The following DOCK9 variants were observed in gnomAD, a reference collection of about 807,000 sequenced individuals.
DOCK9 encodes the protein dedicator of cytokinesis 9.
DOCK9 carries 89 observed loss-of-function variants against 263.3 expected under a neutral mutation model. The ratio of observed to expected loss-of-function variants is 0.34; its 90% CI spans 0.28 to 0.40. The LOEUF (loss-of-function observed/expected upper bound fraction) is 0.40, where lower values mean the gene tolerates loss of function less well. Ranked by LOEUF, DOCK9 falls within the 10% of genes least tolerant of loss-of-function variation. DOCK9 has a pLI of 1.00. For missense variants in DOCK9, 2,140 were observed against 2,603.4 expected, an observed-to-expected ratio of 0.82 and a Z score of 3.87; for synonymous variants, 976 against 973.1, an observed-to-expected ratio of 1.00 and a Z score of -0.06.
At chr13:99,059,650 T>G (rs2142276666) in intron 1 of DOCK9, among the ~76,000 whole-genome samples, 1 of 152,294 alleles carries the variant, frequency 6.6e-6, no homozygotes, top group South Asian at 2.1e-4. Flanking sequence ...AAATACAAAC[T>G]TGTGTTTTTA....
chr13:98,860,306 A>C, intron 33 of DOCK9, 99 bp downstream of exon 33: 1 of 1,519,432 alleles, frequency 6.6e-7, no homozygotes, highest in Non-Finnish European at 8.9e-7. Flanking sequence ...TTAGACTTCA[A>C]GGTCCTACCA....
chr13:98,829,306 C>T lies in DOCK9; in HGVS notation c.4965+1G>A, dbSNP rs2092670642. On this transcript the variant is annotated splice_donor_variant, in intron 43 of 52. Transcript: ENST00000682017. LOFTEE classifies it high-confidence loss of function. This position sits in a 1 kb window ranked among gnomAD's most constrained non-coding sequence, Gnocchi z 4.1. ...ATTCAAGCGGCTGGCAGGGCTACTA[C>T]CTCTGAGAGATCGCCATTTTTGACA... 6.2e-7 allele frequency: 1 copy of T among 1,610,650 alleles called. No homozygotes were observed.
intron 30 of DOCK9, among the ~76,000 whole-genome samples, chr13:98,865,523 G>C (rs573862362): frequency 6.6e-6 from 1 of 152,080 alleles, no homozygotes; most frequent in Admixed American, 6.5e-5. Context: ...AGTGTAGTAA[G>C]GCAAATTACT....
intron 1 of DOCK9, among the ~76,000 whole-genome samples, chr13:98,966,868 A>T (rs2059253040): frequency 6.6e-6 from 1 of 152,208 alleles, no homozygotes; most frequent in South Asian, 2.1e-4. Context: ...AGTTCATTAC[A>T]TCAGTACAAT....
intron 2 of DOCK9, among the ~76,000 whole-genome samples, chr13:98,943,294 T>A (rs763051204): frequency 2.0e-5 from 3 of 152,206 alleles, no homozygotes; most frequent in Non-Finnish European, 4.4e-5. Context: ...TCTGTCCTCT[T>A]TGGATCTCAT....
chr13:98,904,823 C>G, intron 9 of DOCK9, 117 bp from the exon 10 acceptor site: 1 of 836,388 alleles, frequency 1.2e-6, no homozygotes, highest in East Asian at 2.7e-5. Flanking sequence ...AGCTCTGCCT[C>G]GTGTTGGAGA....
chr13:98,880,288 G>A (rs2044532944), intron 26 of DOCK9, among the ~76,000 whole-genome samples: 1 of 151,982 alleles, frequency 6.6e-6, no homozygotes, highest in African/African-American at 2.4e-5. Flanking sequence ...CTTGTCTTTA[G>A]AATCTCTAAG....
chr13:99,036,524 C>A (rs1887897525), intron 1 of DOCK9, among the ~76,000 whole-genome samples: 1 of 152,102 alleles, frequency 6.6e-6, no homozygotes, highest in South Asian at 2.1e-4. Flanking sequence ...AGTTAGTAAG[C>A]CACCTGGTTG....
At chr13:99,016,396 T>C (rs1430183653) in intron 1 of DOCK9, among the ~76,000 whole-genome samples, 3 of 152,168 alleles carry the variant, frequency 2.0e-5, no homozygotes, top group Non-Finnish European at 4.4e-5. Flanking sequence ...GCTAGCAAGA[T>C]TGCACTGCTT....
chr13:98,977,182 G>C (rs900860420), intron 1 of DOCK9, among the ~76,000 whole-genome samples: 3 of 152,142 alleles, frequency 2.0e-5, no homozygotes, highest in Admixed American at 6.5e-5. Flanking sequence ...AAAGCACTTG[G>C]CTTTAGACAA....
At chr13:98,918,565 G>A (rs2051287757) in intron 7 of DOCK9, among the ~76,000 whole-genome samples, 1 of 152,004 alleles carries the variant, frequency 6.6e-6, no homozygotes. Context: ...CAGGGATTTC[G>A]AATAACATCA....
In DOCK9 at chr13:98,825,877, C is replaced by T. The variant is rs771873585; in HGVS notation, c.5023+953G>A. On this transcript the variant is annotated intron_variant, in intron 44 of 52. Coordinates refer to ENST00000682017, the MANE Select transcript of DOCK9 (RefSeq NM_001366683.2). The surrounding 1 kb of genome is among the most constrained non-coding windows in gnomAD (Gnocchi z 4.1). The stretch of plus-strand genomic sequence containing the variant: ...GGGCTGATCCTCAGGCTCACCTCCC[C>T]GGCTCCTCCTCAGGCAGGCGCTATG... 40 of 1,535,772 alleles carry T rather than the reference C, an allele frequency of 2.6e-5. No homozygotes were observed. The highest frequency in any genetic ancestry group is 7.8e-5 in the Admixed American group (4 of 51,166).
intron 1 of DOCK9, among the ~76,000 whole-genome samples, chr13:99,056,004 A>G (rs2040903017): frequency 6.6e-6 from 1 of 152,212 alleles, no homozygotes; most frequent in South Asian, 2.1e-4. Flanking sequence ...TGGTAACAAC[A>G]AAAGTGCCTT....
chr13:99,064,106 C>G (rs1384791805), intron 1 of DOCK9, among the ~76,000 whole-genome samples: 1 of 152,186 alleles, frequency 6.6e-6, no homozygotes, highest in South Asian at 2.1e-4. Context: ...TTTCTCCTGA[C>G]CCTCACAGAT....
upstream of DOCK9, among the ~76,000 whole-genome samples, chr13:99,087,355 T>C (rs2042371574): frequency 6.6e-6 from 1 of 152,150 alleles, no homozygotes; most frequent in South Asian, 2.1e-4. Flanking sequence ...CTTCGGAGCC[T>C]CGGTTATGTC....
intron 46 of DOCK9, 39 bp from the exon 47 acceptor site, chr13:98,809,504 A>C: frequency 6.6e-7 from 1 of 1,505,816 alleles, no homozygotes; most frequent in South Asian, 1.2e-5. Context: ...CCCATGTGCA[A>C]AGAGGAGAAT....
intron 1 of DOCK9, among the ~76,000 whole-genome samples, chr13:99,066,266 A>G (rs1364373447): frequency 6.6e-6 from 1 of 152,238 alleles, no homozygotes; most frequent in Non-Finnish European, 1.5e-5. Flanking sequence ...AAAGCCCCCA[A>G]GCTAAGTATT....
At chr13:98,850,192 G>A (rs1371263239) in intron 35 of DOCK9, 79 bp from the exon 36 acceptor site, 5 of 1,088,124 alleles carry the variant, frequency 4.6e-6, no homozygotes, top group Non-Finnish European at 6.4e-6. Context: ...AAAATGGGAA[G>A]GAACCTTGGA....
intron 43 of DOCK9, among the ~76,000 whole-genome samples, chr13:98,828,906 C>T (rs1241950946): frequency 2.6e-5 from 4 of 152,190 alleles, no homozygotes; most frequent in Non-Finnish European, 4.4e-5. Context: ...GGAATACCTA[C>T]TGCATCCACA....
Sources: allele counts gnomAD v4.1 joint callset (sites outside exome capture counted in the v4.1 genomes callset), GRCh38; gene constraint gnomAD v4.1.1; non-coding constraint Gnocchi (gnomAD v3.1); transcripts MANE v1.5; gene names NCBI Gene and HGNC (gene_info 2026-07-23, HGNC 2026-07-21).